The following ARID3B variants were observed in gnomAD, a reference collection of about 807,000 sequenced individuals.
ARID3B encodes AT-rich interaction domain 3B.
ARID3B carries 10 observed loss-of-function variants against 51.9 expected under a neutral mutation model. The ratio of observed to expected loss-of-function variants is 0.19; its 90% CI spans 0.12 to 0.33. The LOEUF is 0.33. Among genes scored for constraint, ARID3B ranks in the 10% least tolerant of loss-of-function variants. ARID3B has a pLI of 1.00. For missense variants in ARID3B, 483 were observed against 716.3 expected, an observed-to-expected ratio of 0.67 and a Z score of 3.72; for synonymous variants, 205 against 279.5, an observed-to-expected ratio of 0.73 and a Z score of 2.66.
At chr15:74,545,633 C>T (rs1263487584) in intron 2 of ARID3B, among the ~76,000 whole-genome samples, 4 of 152,172 alleles carry the variant, frequency 2.6e-5, no homozygotes, top group Admixed American at 2.6e-4. Flanking sequence ...CAGAAGCACA[C>T]ACACTTCTTG....
intron 8 of ARID3B, among the ~76,000 whole-genome samples, chr15:74,594,668 C>T (rs1383334412): frequency 6.6e-6 from 1 of 152,286 alleles, no homozygotes; most frequent in Admixed American, 6.5e-5. Context: ...CCTCAGAGCA[C>T]CGCCCTGCAG....
intron 7 of ARID3B, among the ~76,000 whole-genome samples, chr15:74,592,714 T>G (rs1022544137): frequency 1.6e-4 from 24 of 152,170 alleles, no homozygotes; most frequent in African/African-American, 5.8e-4. Flanking sequence ...GGGCGTAGAC[T>G]CCTCTCTCTG....
At chr15:74,557,159 A>G (rs2061661503) in intron 2 of ARID3B, among the ~76,000 whole-genome samples, 1 of 151,840 alleles carries the variant, frequency 6.6e-6, no homozygotes. Flanking sequence ...TCATACCTAT[A>G]ATTCCAGCAC....
At chr15:74,568,602 G>C (rs971846566) in intron 2 of ARID3B, among the ~76,000 whole-genome samples, 1 of 152,172 alleles carries the variant, frequency 6.6e-6, no homozygotes, top group African/African-American at 2.4e-5. Context: ...CTAGCTTCCT[G>C]CTACCTTTTC....
chr15:74,597,351 G>A lies in ARID3B; in HGVS notation c.*1577G>A. The A allele has an allele frequency of 2.4e-6, 1 of 423,128 alleles. No homozygotes were observed. Among genetic ancestry groups the A allele is most frequent in the Non-Finnish European group, 4.5e-6 (1 of 224,246 alleles). The allele number at this position is 423,128 out of a possible 1,614,324, so 26.2% of individuals were successfully genotyped here. On this transcript the variant is annotated 3_prime_UTR_variant, in exon 9 of 9. Coordinates refer to ENST00000346246, the MANE Select transcript of ARID3B (RefSeq NM_006465.4). ...AGTGGGAGACACCGCGCGTGGCGTGGGTGTGTGTGGCAGCGTGGCTCGCAT... is the reference window on the plus strand; with the variant it reads ...AGTGGGAGACACCGCGCGTGGCGTGAGTGTGTGTGGCAGCGTGGCTCGCAT...
intron 2 of ARID3B, among the ~76,000 whole-genome samples, chr15:74,559,503 G>A (rs762940099): frequency 5.3e-5 from 8 of 152,182 alleles, no homozygotes; most frequent in Non-Finnish European, 1.0e-4. Flanking sequence ...ATTTCATTGT[G>A]TGAGGCAGGT....
At chr15:74,556,709 A>C (rs1229198184) in intron 2 of ARID3B, among the ~76,000 whole-genome samples, 2 of 147,766 alleles carry the variant, frequency 1.4e-5, no homozygotes, top group African/African-American at 5.0e-5. Context: ...TTTTCTCACC[A>C]TTACTTGATC....
intron 2 of ARID3B, among the ~76,000 whole-genome samples, chr15:74,562,184 C>T (rs2061681741): frequency 6.6e-6 from 1 of 152,006 alleles, no homozygotes; most frequent in African/African-American, 2.4e-5. Flanking sequence ...CCCTGTCGCC[C>T]AGGCTGGAGT....
intron 2 of ARID3B, among the ~76,000 whole-genome samples, chr15:74,550,706 CAAAA>C (rs990554943): frequency 2.3e-5 from 3 of 132,768 alleles, no homozygotes; most frequent in Non-Finnish European, 4.9e-5. Flanking sequence ...GTGTCCATCT[CAAAA>C]AAAAAAAAGG....
At chr15:74,578,288 C>T (rs867232585) in intron 4 of ARID3B, among the ~76,000 whole-genome samples, 2 of 151,976 alleles carry the variant, frequency 1.3e-5, no homozygotes, top group African/African-American at 2.4e-5. Flanking sequence ...ATTCTCCTGC[C>T]TCAGCCTCCC....
At chr15:74,554,838 A>G (rs1051819776) in intron 2 of ARID3B, among the ~76,000 whole-genome samples, 1 of 152,172 alleles carries the variant, frequency 6.6e-6, no homozygotes, top group Non-Finnish European at 1.5e-5. Context: ...GACCACCACA[A>G]TAAAGCAATA....
At chr15:74,589,229 C>T (rs1307544239) in intron 4 of ARID3B, among the ~76,000 whole-genome samples, 1 of 151,726 alleles carries the variant, frequency 6.6e-6, no homozygotes, top group African/African-American at 2.4e-5. Flanking sequence ...CGGGGTTTCG[C>T]CATGTTAGCC....
chr15:74,561,618 A>G (rs926443166), intron 2 of ARID3B, among the ~76,000 whole-genome samples: 120 of 152,354 alleles, frequency 7.9e-4, no homozygotes, highest in African/African-American at 2.5e-3. Flanking sequence ...TAACCAAGTC[A>G]CTGGACTTCC....
At position 74,550,262 on chromosome 15, in the gene ARID3B, T is replaced by TA. The variant is rs1165007060; in HGVS notation, c.552+5775dup. Among the ~76,000 whole-genome samples, 5 of 152,302 alleles carry TA rather than the reference T, an allele frequency of 3.3e-5. No homozygotes were observed. In the East Asian group the frequency reaches 9.6e-4, roughly 29 times the overall value. On this transcript the variant is annotated intron_variant, in intron 2 of 8. Transcript: ENST00000346246. ...ATGATATCTTTGATATCTTTGGTGA[T>TA]ATATGAGAGAGCTTGGTTGCCCTTG... is the stretch of plus-strand genomic sequence containing the variant.
chr15:74,550,129 TTCCTC>T (rs2061631054), intron 2 of ARID3B, among the ~76,000 whole-genome samples: 1 of 152,192 alleles, frequency 6.6e-6, no homozygotes, highest in African/African-American at 2.4e-5. Flanking sequence ...GCTCATGTCT[TTCCTC>T]TAGTCATCTA....
chr15:74,579,617 T>C (rs1459228964), intron 4 of ARID3B, among the ~76,000 whole-genome samples: 4 of 152,180 alleles, frequency 2.6e-5, no homozygotes, highest in African/African-American at 9.7e-5. Context: ...ATCAAAGTAA[T>C]TGTATGAAAC....
chr15:74,541,923 G>T (rs2061596894), intron 1 of ARID3B, among the ~76,000 whole-genome samples: 1 of 152,190 alleles, frequency 6.6e-6, no homozygotes, highest in Non-Finnish European at 1.5e-5. Flanking sequence ...ATGTAGGCAG[G>T]TGGCATTGTT....
chr15:74,556,776 G>GTTTTTT (rs1283802329), intron 2 of ARID3B, among the ~76,000 whole-genome samples: 16 of 122,526 alleles, frequency 1.3e-4, no homozygotes, highest in African/African-American at 2.5e-4. Context: ...TTTGTTTTTT[G>GTTTTTT]TTTTTTTTTT....
intron 2 of ARID3B, among the ~76,000 whole-genome samples, chr15:74,564,066 C>T (rs2061689168): frequency 6.6e-6 from 1 of 152,228 alleles, no homozygotes; most frequent in African/African-American, 2.4e-5. Flanking sequence ...CTTTCTGGTT[C>T]CTGCTAAAGT....
Sources: gnomAD v4.1 joint callset for allele counts (sites outside exome capture counted in the v4.1 genomes callset) on GRCh38, gnomAD v4.1.1 for gene constraint, MANE v1.5 for transcripts, NCBI Gene and HGNC (gene_info 2026-07-23, HGNC 2026-07-21) for gene names.